Variants in PCDHGB1 observed in about 807,000 individuals in gnomAD.
The protein encoded by PCDHGB1 is protocadherin gamma subfamily B, 1, also known as protocadherin gamma-B1.
PCDHGB1 carries 34 observed loss-of-function variants against 56.6 expected under a neutral mutation model. The ratio of observed to expected loss-of-function variants is 0.60; its 90% confidence interval spans 0.46 to 0.80. PCDHGB1 has a LOEUF of 0.80. Ranked by LOEUF, PCDHGB1 falls within the 30% of genes least tolerant of loss-of-function variation. The pLI is 0.00. For missense variants in PCDHGB1, 1,278 were observed against 1,204.6 expected, an observed-to-expected ratio of 1.06 and a Z score of -0.90; for synonymous variants, 561 against 505.9, an observed-to-expected ratio of 1.11 and a Z score of -1.46.
intron 1 of PCDHGB1, among the ~76,000 whole-genome samples, chr5:141,424,839 A>G (rs1264853498): frequency 6.6e-6 from 1 of 152,198 alleles, no homozygotes; most frequent in Non-Finnish European, 1.5e-5. Context: ...CATACATGTT[A>G]TCTGAAGCAA....
intron 1 of PCDHGB1, chr5:141,478,597 C>T: frequency 6.4e-7 from 1 of 1,567,010 alleles, no homozygotes; most frequent in Non-Finnish European, 8.7e-7. Flanking sequence ...TTTATTCCTA[C>T]ATCATATTGA....
chr5:141,448,704 G>A (rs1272148301), intron 1 of PCDHGB1, among the ~76,000 whole-genome samples: 1 of 152,134 alleles, frequency 6.6e-6, no homozygotes. Flanking sequence ...ACTTTGGGAG[G>A]CCGAGGCGGG....
intron 1 of PCDHGB1, 97 bp from the exon 2 acceptor site, chr5:141,494,710 C>G: frequency 6.2e-7 from 1 of 1,600,966 alleles, no homozygotes; most frequent in Admixed American, 1.7e-5. Context: ...TCTCTGTGCC[C>G]ACTCCCCTCC....
intron 1 of PCDHGB1, chr5:141,418,309 G>A (rs756375907): frequency 6.2e-7 from 1 of 1,614,008 alleles, no homozygotes; most frequent in South Asian, 1.1e-5. Flanking sequence ...GCCTGGGGAT[G>A]GGAACAATTC....
intron 1 of PCDHGB1, chr5:141,409,541 G>T: frequency 6.2e-7 from 1 of 1,613,970 alleles, no homozygotes; most frequent in Non-Finnish European, 8.5e-7. Context: ...TGACATCAAC[G>T]ACAACGCCCC....
chr5:141,455,983 C>T (rs542017964), intron 1 of PCDHGB1, among the ~76,000 whole-genome samples: 23 of 151,546 alleles, frequency 1.5e-4, no homozygotes, highest in African/African-American at 5.1e-4. Context: ...CTGCAAGCTC[C>T]GCCTCTCGGG....
In PCDHGB1 at chr5:141,512,385, A is replaced by G. The variant is rs78180647; in HGVS notation, c.*1212A>G. 6,750 of 152,704 alleles carry G rather than the reference A, an allele frequency of 0.044. 413 individuals carry two copies. Among genetic ancestry groups the G allele is most frequent in the Admixed American group, 0.18 (2,745 of 15,296 alleles). The allele number at this position is 152,704 out of a possible 1,614,324, so 9.5% of individuals were successfully genotyped here. ...TAGGGCAGGGACCAAATGAACAGAAAGTCTCAGCCCAGGATGGGGCTTCTT... is the reference window on the plus strand; with the variant it reads ...TAGGGCAGGGACCAAATGAACAGAAGGTCTCAGCCCAGGATGGGGCTTCTT... On this transcript the variant is annotated 3_prime_UTR_variant, in exon 4 of 4. Coordinates refer to ENST00000523390, the MANE Select transcript of PCDHGB1 (RefSeq NM_018922.3).
rs200868391 is a variant in PCDHGB1 at position 141,415,586 on chromosome 5, C to T, written c.2409+62917C>T. 540 of 1,613,746 alleles carry T rather than the reference C, an allele frequency of 3.3e-4. No individual in the cohort carries two copies. Among genetic ancestry groups the T allele is most frequent in the Non-Finnish European group, 4.5e-4 (527 of 1,179,996 alleles). ...TCTTTGTTAGATGATTCGAAGTTTCCTATAGAGGATACCCCATTGGTTCCA... is the reference window on the plus strand; with the variant it reads ...TCTTTGTTAGATGATTCGAAGTTTCTTATAGAGGATACCCCATTGGTTCCA... On this transcript the variant is annotated intron_variant, in intron 1 of 3. Coordinates refer to ENST00000523390, the MANE Select transcript of PCDHGB1 (RefSeq NM_018922.3).
chr5:141,355,144 C>T (rs1759728329), intron 1 of PCDHGB1: 1 of 1,532,618 alleles, frequency 6.5e-7, no homozygotes, highest in East Asian at 2.3e-5. Context: ...TCCTGGGGCT[C>T]CTCAGGCCTC....
intron 1 of PCDHGB1, chr5:141,388,443 G>A (rs1242973473): frequency 5.0e-6 from 8 of 1,613,872 alleles, no homozygotes; most frequent in Non-Finnish European, 6.8e-6. Flanking sequence ...AGAGAAATCA[G>A]ATGGCAGTAA....
chr5:141,497,626 G>T (rs1373764805), intron 2 of PCDHGB1, among the ~76,000 whole-genome samples: 3 of 149,502 alleles, frequency 2.0e-5, no homozygotes, highest in Non-Finnish European at 4.4e-5. Flanking sequence ...TGCAACCTCT[G>T]CCTGCCAGGT....
rs555713417 is a variant in PCDHGB1, at chr5:141,357,809, T to C, written c.2409+5140T>C. ...ATTTACCACACAAAAATGTTGTTTATTACTTATCCTTTTTGGTCTTCATTC... is the reference window on the plus strand; with the variant it reads ...ATTTACCACACAAAAATGTTGTTTACTACTTATCCTTTTTGGTCTTCATTC... On this transcript the variant is annotated intron_variant, in intron 1 of 3. Coordinates refer to ENST00000523390, the MANE Select transcript of PCDHGB1 (RefSeq NM_018922.3). 4.0e-5 allele frequency: 30 copies of C among 756,534 alleles called. No individual in the cohort carries two copies. In the East Asian group the frequency reaches 6.6e-4, roughly 17 times the overall value. 46.9% of individuals were successfully genotyped at this position (756,534 alleles called of 1,614,324 possible).
intron 1 of PCDHGB1, chr5:141,378,008 G>C (rs1168840541): frequency 6.6e-6 from 1 of 152,090 alleles, no homozygotes; most frequent in Non-Finnish European, 1.5e-5. Context: ...GCTCAAATAA[G>C]CTCTACTTAT....
chr5:141,404,177 A>C, intron 1 of PCDHGB1: 1 of 1,613,448 alleles, frequency 6.2e-7, no homozygotes, highest in Non-Finnish European at 8.5e-7. Context: ...GACGGCCCAA[A>C]TTCTTGACCG....
intron 1 of PCDHGB1, chr5:141,398,388 C>G: frequency 6.9e-7 from 1 of 1,454,974 alleles, no homozygotes; most frequent in African/African-American, 1.4e-5. Flanking sequence ...TGCTTGTGAG[C>G]AGCAGGCTAG....
At chr5:141,416,717 A>G (rs1227713508) in intron 1 of PCDHGB1, 1 of 152,256 alleles carries the variant, frequency 6.6e-6, no homozygotes, top group Admixed American at 6.5e-5. Flanking sequence ...GGTACTGATG[A>G]GTTCATTTAG....
In PCDHGB1 at chr5:141,420,077, C is replaced by T. The variant is rs760626443; in HGVS notation, c.2409+67408C>T. The T allele has an allele frequency of 2.9e-5, 47 of 1,613,782 alleles. No homozygotes were observed. Among genetic ancestry groups the T allele is most frequent in the Admixed American group, 1.0e-4 (6 of 60,004 alleles). The stretch of plus-strand genomic sequence containing the variant: ...CTGCTCCAAGTCCGGACCTGTGGGT[C>T]CCCCCAACTACAGTGAGGGAACGTT... On this transcript the variant is annotated intron_variant, in intron 1 of 3. Coordinates refer to ENST00000523390, the MANE Select transcript of PCDHGB1 (RefSeq NM_018922.3).
chr5:141,395,538 TTGTTTGTG>T (rs2093252084), intron 1 of PCDHGB1: 3 of 225,786 alleles, frequency 1.3e-5, no homozygotes, highest in South Asian at 6.0e-5. Flanking sequence ...AATTTTGCTA[TTGTTTGTG>T]TGTGTGTGTG....
chr5:141,496,342 G>A (rs1430202202), intron 2 of PCDHGB1, among the ~76,000 whole-genome samples: 1 of 152,208 alleles, frequency 6.6e-6, no homozygotes, highest in East Asian at 1.9e-4. Context: ...GAGCCTGGAG[G>A]AGTCTCAGAG....
Sources: gnomAD v4.1 joint callset for allele counts (sites outside exome capture counted in the v4.1 genomes callset) on GRCh38, gnomAD v4.1.1 for gene constraint, MANE v1.5 for transcripts, NCBI Gene and HGNC (gene_info 2026-07-23, HGNC 2026-07-21) for gene names.